Variants in CTNNA3 observed in about 807,000 individuals in gnomAD.
The protein encoded by CTNNA3 is catenin alpha 3, also known as catenin alpha-3.
In CTNNA3, 76 loss-of-function variants were observed where a neutral mutation model predicts 95.7. That is an observed-to-expected ratio of 0.79 (90% CI 0.66 to 0.96). CTNNA3 has a LOEUF of 0.96. Ranked by LOEUF, CTNNA3 falls within the 40% of genes least tolerant of loss-of-function variation. The pLI, the probability that CTNNA3 is intolerant of heterozygous loss-of-function variation, is 0.00. For missense variants in CTNNA3, 1,191 were observed against 1,089.8 expected (o/e 1.09, Z -1.31); for synonymous variants, 431 against 374.4 (o/e 1.15, Z -1.74).
At chr10:66,439,219 T>A (rs2093359424) in intron 11 of CTNNA3, among the ~76,000 whole-genome samples, 1 of 152,174 alleles carries the variant, frequency 6.6e-6, no homozygotes. Flanking sequence ...AAAATACTTA[T>A]AAAGAAATAC....
At chr10:67,675,949 A>T (rs1401927154) in intron 1 of CTNNA3, among the ~76,000 whole-genome samples, 1 of 152,140 alleles carries the variant, frequency 6.6e-6, no homozygotes, top group Non-Finnish European at 1.5e-5. Flanking sequence ...TCCTAAGATC[A>T]TAAATATATT....
chr10:66,091,029 T>C (rs2081191916), intron 14 of CTNNA3, among the ~76,000 whole-genome samples: 1 of 151,990 alleles, frequency 6.6e-6, no homozygotes. Context: ...TACCTATTAC[T>C]ACACACTTAT....
chr10:66,934,879 G>C (rs1485085451), intron 7 of CTNNA3, among the ~76,000 whole-genome samples: 2 of 152,098 alleles, frequency 1.3e-5, no homozygotes, highest in Admixed American at 1.3e-4. Flanking sequence ...TTGTCAGTAA[G>C]GAGGCAATGA....
intron 11 of CTNNA3, among the ~76,000 whole-genome samples, chr10:66,433,995 G>C (rs1296291531): frequency 6.6e-6 from 1 of 152,088 alleles, no homozygotes; most frequent in Non-Finnish European, 1.5e-5. Context: ...CTGTTCCATT[G>C]GTCTATATAT....
intron 3 of CTNNA3, among the ~76,000 whole-genome samples, chr10:67,591,132 C>A (rs1842777011): frequency 6.6e-6 from 1 of 152,034 alleles, no homozygotes; most frequent in Middle Eastern, 3.2e-3. Flanking sequence ...AAGAATGTTG[C>A]AGCTGATTAG....
intron 11 of CTNNA3, among the ~76,000 whole-genome samples, chr10:66,458,442 T>C (rs1316452890): frequency 1.3e-5 from 2 of 152,216 alleles, no homozygotes; most frequent in African/African-American, 4.8e-5. Flanking sequence ...ACACAAAATT[T>C]ATCATGCAAG....
intron 15 of CTNNA3, among the ~76,000 whole-genome samples, chr10:66,003,049 T>G (rs933946072): frequency 3.3e-5 from 5 of 152,018 alleles, no homozygotes; most frequent in African/African-American, 1.2e-4. Flanking sequence ...ACTGAGGCAC[T>G]TCACTAATAC....
intron 7 of CTNNA3, among the ~76,000 whole-genome samples, chr10:66,978,361 A>G (rs1308701298): frequency 6.6e-6 from 1 of 151,246 alleles, no homozygotes; most frequent in African/African-American, 2.4e-5. Flanking sequence ...CCCTGTCTCT[A>G]CTAAAAATAC....
intron 13 of CTNNA3, among the ~76,000 whole-genome samples, chr10:66,135,884 A>G (rs2083317855): frequency 6.6e-6 from 1 of 151,848 alleles, no homozygotes; most frequent in South Asian, 2.1e-4. Context: ...AAATATTAAT[A>G]GAAACGATAT....
intron 13 of CTNNA3, among the ~76,000 whole-genome samples, chr10:66,154,719 C>CATATATATATATATATATATATATAT (rs569694429): frequency 0.019 from 1,428 of 74,372 alleles, 107 homozygotes; most frequent in Middle Eastern, 0.048. Flanking sequence ...TGAAAAAGTT[C>CATATATATATATATATATATATATAT]ATATATATAT....
At chr10:66,564,812 C>T (rs772256968) in intron 10 of CTNNA3, among the ~76,000 whole-genome samples, 9 of 152,030 alleles carry the variant, frequency 5.9e-5, no homozygotes, top group African/African-American at 1.2e-4. Context: ...GCTAATTATT[C>T]GACGTTTACA....
intron 15 of CTNNA3, among the ~76,000 whole-genome samples, chr10:65,991,469 G>C (rs2078544436): frequency 6.6e-6 from 1 of 151,254 alleles, no homozygotes; most frequent in Admixed American, 6.6e-5. Context: ...GTTTGTAGAG[G>C]TTGGTTCTTG....
In CTNNA3 at chr10:67,072,174, G is replaced by A. The variant is rs532349813; in HGVS notation, c.1047+108143C>T. 2.6e-5 allele frequency among the ~76,000 whole-genome samples: 4 copies of A among 152,172 alleles called. No individual in the cohort carries two copies. The East Asian group carries it at 5.8e-4, about 22-fold the overall frequency. Reference sequence around the variant, plus strand: ...TTGCTATGTTGGTCAGGCTGGTCTCGAACTGCTGGCCTCAAGTGATCCTTC... The same window carrying A: ...TTGCTATGTTGGTCAGGCTGGTCTCAAACTGCTGGCCTCAAGTGATCCTTC... On this transcript the variant is annotated intron_variant, in intron 7 of 17. Transcript: ENST00000433211.
intron 13 of CTNNA3, among the ~76,000 whole-genome samples, chr10:66,148,825 C>T (rs1365140260): frequency 6.6e-6 from 1 of 152,006 alleles, no homozygotes; most frequent in Non-Finnish European, 1.5e-5. Flanking sequence ...CAAATAGTAA[C>T]TACTAGCTTT....
chr10:67,081,554 C>T (rs978778365), intron 7 of CTNNA3, among the ~76,000 whole-genome samples: 1 of 152,134 alleles, frequency 6.6e-6, no homozygotes, highest in African/African-American at 2.4e-5. Flanking sequence ...CCATTGTTTC[C>T]AACCCTATTG....
At chr10:67,384,604 T>G (rs1323034731) in intron 5 of CTNNA3, among the ~76,000 whole-genome samples, 3 of 152,190 alleles carry the variant, frequency 2.0e-5, no homozygotes, top group Non-Finnish European at 4.4e-5. Context: ...TCTTCCATTG[T>G]GCAGGCTCAA....
At chr10:66,081,093 A>C (rs1230624661) in intron 14 of CTNNA3, among the ~76,000 whole-genome samples, 1 of 152,180 alleles carries the variant, frequency 6.6e-6, no homozygotes. Context: ...GGAGAAATTT[A>C]AGGCTTTCTT....
At chr10:66,459,911 T>C (rs2093517451) in intron 11 of CTNNA3, among the ~76,000 whole-genome samples, 1 of 152,196 alleles carries the variant, frequency 6.6e-6, no homozygotes, top group African/African-American at 2.4e-5. Flanking sequence ...TTTTTTAATT[T>C]CTTATATTGT....
rs187574980 is a variant in CTNNA3, at chr10:66,478,413, A to T, written c.1531+42204T>A. On this transcript the variant is annotated intron_variant, in intron 11 of 17. Coordinates refer to ENST00000433211, the MANE Select transcript of CTNNA3 (RefSeq NM_013266.4). ...AATATTAAGCATGTTCAGCTTTATT[A>T]AGATAATTTTTATTGAAAATTTTGA... Among the ~76,000 whole-genome samples the T allele has an allele frequency of 1.8e-3, 269 of 152,164 alleles. 1 individual carries two copies. Among genetic ancestry groups the T allele is most frequent in the African/African-American group, 4.4e-3 (184 of 41,556 alleles).
Sources: gnomAD v4.1 joint callset for allele counts (sites outside exome capture counted in the v4.1 genomes callset) on GRCh38, gnomAD v4.1.1 for gene constraint, MANE v1.5 for transcripts, NCBI Gene and HGNC (gene_info 2026-07-23, HGNC 2026-07-21) for gene names.